Variants in C12orf42 observed in about 807,000 individuals in gnomAD.
C12orf42 encodes chromosome 12 open reading frame 42.
A neutral mutation model predicts 21.6 loss-of-function variants in C12orf42; 25 were observed. The observed-to-expected ratio is 1.16, with a 90% confidence interval of 0.84 to 1.62. The LOEUF (loss-of-function observed/expected upper bound fraction) is 1.62, where lower values mean the gene tolerates loss of function less well. Among genes scored for constraint, C12orf42 ranks in the 40% most tolerant of loss-of-function variants. C12orf42 has a pLI of 0.00. For missense variants in C12orf42, 483 were observed against 459.3 expected (o/e 1.05, Z -0.47); for synonymous variants, 174 against 175.0 (o/e 0.99, Z 0.05).
At chr12:103,139,226 G>A in the C12orf42 span, among the ~76,000 whole-genome samples, 16 of 152,168 alleles carry the variant, frequency 1.1e-4, no homozygotes, top group African/African-American at 2.9e-4. Context: ...TCAATAAAGC[G>A]CATTATTAAA....
chr12:103,330,517 G>A (rs1302910388), intron 4 of C12orf42, among the ~76,000 whole-genome samples: 1 of 152,136 alleles, frequency 6.6e-6, no homozygotes, highest in Non-Finnish European at 1.5e-5. Flanking sequence ...GGCTACTTGG[G>A]TTCAGAACAT....
At chr12:103,268,645 C>T (rs1373197016) in exon 7 of C12orf42, 4 of 151,920 alleles carry the variant, frequency 2.6e-5, no homozygotes, top group Admixed American at 6.6e-5. Flanking sequence ...GATTTTTCCC[C>T]GATTCAAAGA....
At chr12:103,185,304 A>G in the C12orf42 span, among the ~76,000 whole-genome samples, 1 of 152,162 alleles carries the variant, frequency 6.6e-6, no homozygotes. Context: ...ATGGTGTTGG[A>G]GAAAGCTCTT....
chr12:103,432,494 G>A (rs1010097633), intron 2 of C12orf42, among the ~76,000 whole-genome samples: 1 of 152,146 alleles, frequency 6.6e-6, no homozygotes, highest in African/African-American at 2.4e-5. Context: ...AACCTTACTT[G>A]ATGTGCTGAA....
chr12:103,222,561 C>A, the C12orf42 span, among the ~76,000 whole-genome samples: 2 of 152,152 alleles, frequency 1.3e-5, no homozygotes, highest in Admixed American at 6.5e-5. Context: ...AGCTCAGAGG[C>A]CTGACAATGT....
At chr12:103,384,284 C>A (rs1314148218) in intron 3 of C12orf42, among the ~76,000 whole-genome samples, 7 of 152,032 alleles carry the variant, frequency 4.6e-5, no homozygotes, top group Non-Finnish European at 2.9e-5. Flanking sequence ...GCTCCTGACC[C>A]TAGGAGAAAC....
intron 4 of C12orf42, among the ~76,000 whole-genome samples, chr12:103,338,809 T>C (rs971792646): frequency 4.6e-5 from 7 of 152,118 alleles, no homozygotes; most frequent in Non-Finnish European, 1.0e-4. Context: ...TGGGATGTAG[T>C]CCAGCAGGAG....
At chr12:103,061,795 T>A in the C12orf42 span, among the ~76,000 whole-genome samples, 1 of 151,962 alleles carries the variant, frequency 6.6e-6, no homozygotes, top group Non-Finnish European at 1.5e-5. Flanking sequence ...CACAGTTGTG[T>A]TTTTACCTGA....
intron 2 of C12orf42, among the ~76,000 whole-genome samples, chr12:103,436,313 A>C (rs1190329196): frequency 6.6e-6 from 1 of 152,076 alleles, no homozygotes; most frequent in Non-Finnish European, 1.5e-5. Context: ...AAATGTAAAG[A>C]CCATCGAGAC....
intron 10 of C12orf42, chr12:103,262,336 T>C (rs1441193407): frequency 1.3e-5 from 2 of 152,230 alleles, no homozygotes; most frequent in Admixed American, 6.5e-5. Context: ...TGGAATTATA[T>C]GCAGTTTCAA....
chr12:103,203,659 C>A, the C12orf42 span, among the ~76,000 whole-genome samples: 1 of 152,134 alleles, frequency 6.6e-6, no homozygotes, highest in African/African-American at 2.4e-5. Context: ...AGTACAATGA[C>A]AGATTGGGTT....
the C12orf42 span, among the ~76,000 whole-genome samples, chr12:103,182,965 A>G: frequency 1.3e-5 from 2 of 152,266 alleles, no homozygotes; most frequent in Admixed American, 6.5e-5. Flanking sequence ...TTACCATCAT[A>G]GTCAGGAAAC....
chr12:103,256,327 G>T (rs537323518), intron 10 of C12orf42, among the ~76,000 whole-genome samples: 3 of 150,904 alleles, frequency 2.0e-5, no homozygotes, highest in Admixed American at 2.0e-4. Flanking sequence ...CTTTAAAATA[G>T]ATAGAGCAAT....
chr12:103,136,336 C>T, the C12orf42 span, among the ~76,000 whole-genome samples: 1 of 152,002 alleles, frequency 6.6e-6, no homozygotes, highest in African/African-American at 2.4e-5. Context: ...TAAAAAACCT[C>T]CATAGAAAAA....
At chr12:103,449,327 G>C (rs1951790290) in intron 2 of C12orf42, among the ~76,000 whole-genome samples, 1 of 151,812 alleles carries the variant, frequency 6.6e-6, no homozygotes, top group Admixed American at 6.6e-5. Context: ...AATGGACTTT[G>C]GGGACTTGGG....
chr12:103,534,381 T>C, the C12orf42 span, among the ~76,000 whole-genome samples: 1 of 152,198 alleles, frequency 6.6e-6, no homozygotes, highest in Non-Finnish European at 1.5e-5. Flanking sequence ...GCTGACTACA[T>C]GCCAAGCGAG....
rs1593790904 is a variant in C12orf42, at chr12:103,394,640, C to T, written c.147+6967G>A. 2.6e-5 allele frequency among the ~76,000 whole-genome samples: 4 copies of T among 152,270 alleles called. No homozygotes were observed. The South Asian group carries it at 6.2e-4, about 24-fold the overall frequency. ...AGCAATTTTTTTCCACAAATACTAA[C>T]GATTGTTTCCCAACAATTCTATCAA... On this transcript the variant is annotated intron_variant, in intron 3 of 5. Transcript: ENST00000548883.
chr12:103,409,465 T>C (rs962974076), intron 2 of C12orf42, among the ~76,000 whole-genome samples: 3 of 152,124 alleles, frequency 2.0e-5, no homozygotes, highest in Non-Finnish European at 4.4e-5. Context: ...TTCTGAACAA[T>C]AGGACGGGCA....
At chr12:103,513,976 C>A in the C12orf42 span, among the ~76,000 whole-genome samples, 1 of 152,070 alleles carries the variant, frequency 6.6e-6, no homozygotes, top group East Asian at 1.9e-4. Flanking sequence ...TGAATAAAGA[C>A]AAAACCGAGA....
Sources: gnomAD v4.1 joint callset for allele counts (sites outside exome capture counted in the v4.1 genomes callset) on GRCh38, gnomAD v4.1.1 for gene constraint, MANE v1.5 for transcripts, NCBI Gene and HGNC (gene_info 2026-07-23, HGNC 2026-07-21) for gene names.